Variants in CSMD1 observed in about 807,000 individuals in gnomAD.
The protein encoded by CSMD1 is CUB and Sushi multiple domains 1, also known as CUB and sushi domain-containing protein 1.
Under a neutral mutation model 417.5 loss-of-function variants are expected in CSMD1, and 213 were observed. The ratio of observed to expected loss-of-function variants is 0.51; its 90% confidence interval spans 0.46 to 0.57. The LOEUF is 0.57. Among genes scored for constraint, CSMD1 ranks in the 20% least tolerant of loss-of-function variants. The pLI is 0.00. For missense variants in CSMD1, 6,923 were observed against 4,529.7 expected (o/e 1.53, Z -15.17); for synonymous variants, 2,862 against 1,736.8 (o/e 1.65, Z -16.11).
intron 2 of CSMD1, among the ~76,000 whole-genome samples, chr8:4,619,042 C>A (rs909335727): frequency 6.6e-6 from 1 of 152,132 alleles, no homozygotes; most frequent in Non-Finnish European, 1.5e-5. Context: ...CTATTTACTT[C>A]TCTGCTCAAG....
At chr8:3,731,165 TC>T (rs1258671580) in intron 6 of CSMD1, among the ~76,000 whole-genome samples, 1 of 152,138 alleles carries the variant, frequency 6.6e-6, no homozygotes, top group Non-Finnish European at 1.5e-5. Context: ...TGTTAACACT[TC>T]CATCATTCCA....
Position 3,142,530 on chromosome 8 carries a change from T to G in CSMD1, c.6176A>C (p.Glu2059Ala). The G allele has an allele frequency of 6.2e-7, 1 of 1,614,022 alleles. No individual in the cohort carries two copies. The highest frequency in any genetic ancestry group is 8.5e-7 in the Non-Finnish European group (1 of 1,179,898). ...LPAALLSTTHETLIHFYSDHS... is the reference protein window; with the variant it reads ...LPAALLSTTHATLIHFYSDHS... Reference sequence around the variant, plus strand: ...GTCACTATAAAAGTGGATGAGGGTTTCATGCGTTGTGCTCAGCAGGGCCGC... The same window carrying G: ...GTCACTATAAAAGTGGATGAGGGTTGCATGCGTTGTGCTCAGCAGGGCCGC... Residue 2059 changes from glutamate to alanine, a missense_variant, in exon 41 of 70, where the codon GAA (glutamate) becomes GCA (alanine). Transcript: ENST00000635120.
At chr8:4,537,746 G>C (rs926179321) in intron 2 of CSMD1, among the ~76,000 whole-genome samples, 2 of 152,148 alleles carry the variant, frequency 1.3e-5, no homozygotes, top group Non-Finnish European at 2.9e-5. Flanking sequence ...ATACGCAGTG[G>C]AAGACCTACC....
At chr8:4,392,641 G>A (rs1319260259) in intron 3 of CSMD1, among the ~76,000 whole-genome samples, 1 of 151,552 alleles carries the variant, frequency 6.6e-6, no homozygotes, top group African/African-American at 2.4e-5. Context: ...TTTTTTGGGG[G>A]GGAGGGTTAT....
intron 1 of CSMD1, among the ~76,000 whole-genome samples, chr8:4,710,473 T>TATAC (rs974360809): frequency 7.4e-5 from 11 of 147,734 alleles, no homozygotes; most frequent in Non-Finnish European, 1.3e-4. Context: ...ATTATATATA[T>TATAC]ATATATATGT....
At chr8:3,447,550 C>T (rs931280014) in intron 12 of CSMD1, among the ~76,000 whole-genome samples, 5 of 152,140 alleles carry the variant, frequency 3.3e-5, no homozygotes, top group Non-Finnish European at 7.4e-5. Context: ...GCACCCGGAA[C>T]CACTGTTCAC....
At chr8:4,243,259 T>C (rs1802507502) in intron 3 of CSMD1, among the ~76,000 whole-genome samples, 1 of 152,272 alleles carries the variant, frequency 6.6e-6, no homozygotes, top group East Asian at 1.9e-4. Flanking sequence ...CTCAGGTATT[T>C]TCTTACCTAG....
chr8:4,134,670 T>A (rs1425638743), intron 3 of CSMD1, among the ~76,000 whole-genome samples: 1 of 152,166 alleles, frequency 6.6e-6, no homozygotes, highest in Non-Finnish European at 1.5e-5. Flanking sequence ...CATTCAAATT[T>A]TCCATCCCTA....
intron 42 of CSMD1, among the ~76,000 whole-genome samples, chr8:3,117,621 G>A (rs552532308): frequency 6.6e-6 from 1 of 152,058 alleles, no homozygotes; most frequent in Non-Finnish European, 1.5e-5. Flanking sequence ...ACATAGTATG[G>A]ATCTATTTAT....
intron 33 of CSMD1, among the ~76,000 whole-genome samples, chr8:3,191,771 A>C (rs1360116374): frequency 6.6e-6 from 1 of 152,214 alleles, no homozygotes; most frequent in Non-Finnish European, 1.5e-5. Context: ...CACACTAGGC[A>C]AACTCTGAAA....
At chr8:3,786,516 G>T (rs763151384) in intron 5 of CSMD1, among the ~76,000 whole-genome samples, 13 of 152,170 alleles carry the variant, frequency 8.5e-5, no homozygotes, top group Non-Finnish European at 1.5e-4. Flanking sequence ...GTGGGTGAGA[G>T]CCAAGAATAT....
chr8:3,455,244 G>T (rs983279767), intron 12 of CSMD1, among the ~76,000 whole-genome samples: 1 of 152,064 alleles, frequency 6.6e-6, no homozygotes, highest in Admixed American at 6.5e-5. Context: ...TAACTTCTTT[G>T]CCATGGGTTC....
intron 1 of CSMD1, among the ~76,000 whole-genome samples, chr8:4,686,773 T>C (rs921527794): frequency 6.6e-6 from 1 of 152,208 alleles, no homozygotes; most frequent in Non-Finnish European, 1.5e-5. Context: ...GAAAAGATCC[T>C]TCTCCTTCGC....
chr8:3,600,868 T>A (rs894476997), intron 8 of CSMD1, among the ~76,000 whole-genome samples: 1 of 152,208 alleles, frequency 6.6e-6, no homozygotes, highest in African/African-American at 2.4e-5. Context: ...AGTATTTTAT[T>A]AATTAAATAA....
At chr8:4,317,257 T>C (rs1003793399) in intron 3 of CSMD1, among the ~76,000 whole-genome samples, 1 of 152,158 alleles carries the variant, frequency 6.6e-6, no homozygotes, top group Admixed American at 6.6e-5. Flanking sequence ...TTTTTTTTAC[T>C]ATGTATGATT....
intron 3 of CSMD1, among the ~76,000 whole-genome samples, chr8:4,329,543 C>T (rs895285979): frequency 6.6e-6 from 1 of 152,120 alleles, no homozygotes; most frequent in Non-Finnish European, 1.5e-5. Flanking sequence ...CTTCCTTGGC[C>T]TCCCAAATTG....
At chr8:4,147,223 C>A (rs1013283666) in intron 3 of CSMD1, among the ~76,000 whole-genome samples, 6 of 152,148 alleles carry the variant, frequency 3.9e-5, no homozygotes, top group Non-Finnish European at 5.9e-5. Context: ...AGAAAGCACG[C>A]ATGATTTGAC....
At chr8:3,239,263 G>C (rs1035811884) in intron 26 of CSMD1, among the ~76,000 whole-genome samples, 1 of 152,116 alleles carries the variant, frequency 6.6e-6, no homozygotes. Context: ...AAAATGCTTG[G>C]CTGATTTGAC....
At chr8:4,033,297 C>T (rs1261955043) in intron 3 of CSMD1, among the ~76,000 whole-genome samples, 2 of 152,016 alleles carry the variant, frequency 1.3e-5, no homozygotes, top group Middle Eastern at 6.8e-3. Flanking sequence ...AAAAAATTAG[C>T]CGGGCGTGGT....
Sources: allele counts gnomAD v4.1 joint callset (sites outside exome capture counted in the v4.1 genomes callset), GRCh38; gene constraint gnomAD v4.1.1; transcripts MANE v1.5; gene names NCBI Gene and HGNC (gene_info 2026-07-23, HGNC 2026-07-21).